HIVEP3: variants seen among roughly 807,000 people sequenced by gnomAD.
HIVEP3 encodes the protein HIVEP zinc finger 3, also known as transcription factor HIVEP3.
Under a neutral mutation model 152.8 loss-of-function variants are expected in HIVEP3, and 49 were observed. The ratio of observed to expected loss-of-function variants is 0.32; its 90% CI spans 0.26 to 0.41. HIVEP3 has a LOEUF of 0.41. HIVEP3 is among the 10% of genes least tolerant of loss of function. The pLI is 1.00. For missense variants in HIVEP3, 2,790 were observed against 3,103.3 expected (o/e 0.90, Z 2.40); for synonymous variants, 1,269 against 1,289.0 (o/e 0.98, Z 0.33).
chr1:41,764,922 A>G (rs1357095410), intron 1 of HIVEP3, among the ~76,000 whole-genome samples: 2 of 152,188 alleles, frequency 1.3e-5, no homozygotes, highest in Admixed American at 6.5e-5. Flanking sequence ...TTCACAACTC[A>G]GGGCCATCAT....
At chr1:41,638,330 GAAAGGGAGA>G (rs1558137231) in intron 2 of HIVEP3, among the ~76,000 whole-genome samples, 58 of 35,378 alleles carry the variant, frequency 1.6e-3, no homozygotes, top group Non-Finnish European at 3.0e-3. Flanking sequence ...AAGAAAGAAA[GAAAGGGAGA>G]GAGAGAGAAA....
chr1:41,840,068 G>A (rs1428325460), intron 1 of HIVEP3, among the ~76,000 whole-genome samples: 1 of 152,114 alleles, frequency 6.6e-6, no homozygotes, highest in Admixed American at 6.6e-5. Context: ...TGCCTAAACT[G>A]TTTGGGAATC....
chr1:41,993,377 C>T (rs1397687870), intron 1 of HIVEP3, among the ~76,000 whole-genome samples: 15 of 150,528 alleles, frequency 1.0e-4, no homozygotes, highest in African/African-American at 3.7e-4. Context: ...GACATTTATG[C>T]AGCCAAAAAA....
chr1:41,979,339 C>T (rs1458379838), intron 1 of HIVEP3, among the ~76,000 whole-genome samples: 1 of 152,164 alleles, frequency 6.6e-6, no homozygotes, highest in Non-Finnish European at 1.5e-5. Context: ...CGGTGTGAGA[C>T]ATTCCACATG....
rs1471811725 is a variant in HIVEP3, at chr1:41,584,502, G to A, written c.296C>T (p.Pro99Leu). The A allele has an allele frequency of 1.9e-6, 3 of 1,614,088 alleles. No individual in the cohort carries two copies. The highest frequency in any genetic ancestry group is 2.5e-6 in the Non-Finnish European group (3 of 1,180,044). The change falls in exon 4 of 9, where the codon CCT becomes CTT. Residue 99 changes from proline to leucine, a missense_variant. Pro to Leu is a moderately conservative substitution (Grantham distance 98). Transcript: ENST00000372583. This position sits in a 1 kb window ranked among gnomAD's most constrained non-coding sequence, Gnocchi z 5.2. ...AGGCGACATGAATGCTGGTGTCAGAGGGTGCTGCGGAAGCTGTGAGATGTG... is the reference window on the plus strand; with the variant it reads ...AGGCGACATGAATGCTGGTGTCAGAAGGTGCTGCGGAAGCTGTGAGATGTG... Reference protein sequence around the residue: ...SVHISQLPQHPLTPAFMSPGK... With the variant: ...SVHISQLPQHLLTPAFMSPGK...
chr1:41,726,328 A>G (rs7537131), intron 1 of HIVEP3, among the ~76,000 whole-genome samples: 30,080 of 152,058 alleles, frequency 0.2, 7,566 homozygotes, highest in African/African-American at 0.59. Flanking sequence ...TCAAGGCACC[A>G]TCTCTAAGTT....
intron 1 of HIVEP3, among the ~76,000 whole-genome samples, chr1:41,796,852 G>A (rs536107147): frequency 6.1e-4 from 93 of 152,308 alleles, no homozygotes; most frequent in African/African-American, 2.0e-3. Flanking sequence ...CACTGTGCTC[G>A]TGTGGATGAA....
intron 7 of HIVEP3, among the ~76,000 whole-genome samples, chr1:41,516,526 C>T (rs1482454254): frequency 6.6e-6 from 1 of 152,202 alleles, no homozygotes; most frequent in East Asian, 1.9e-4. Context: ...AGCCTGTGGG[C>T]TCTCCCTCCG....
chr1:41,942,939 G>A (rs1052728262), intron 1 of HIVEP3, among the ~76,000 whole-genome samples: 21 of 150,670 alleles, frequency 1.4e-4, no homozygotes, highest in African/African-American at 2.0e-4. Context: ...TCGCTCTGTC[G>A]CCCAGGCTGG....
chr1:41,671,769 A>C (rs1484626710), intron 2 of HIVEP3, among the ~76,000 whole-genome samples: 2 of 152,256 alleles, frequency 1.3e-5, no homozygotes, highest in African/African-American at 2.4e-5. Context: ...CTAGGAGAGC[A>C]CAAAGGAAGG....
intron 1 of HIVEP3, among the ~76,000 whole-genome samples, chr1:41,938,876 T>C (rs1239026675): frequency 6.6e-6 from 1 of 152,216 alleles, no homozygotes; most frequent in Admixed American, 6.5e-5. Flanking sequence ...TTCTGCATTG[T>C]GGAGCTTCTC....
At chr1:41,828,088 C>A (rs1338079836) in intron 1 of HIVEP3, among the ~76,000 whole-genome samples, 1 of 152,202 alleles carries the variant, frequency 6.6e-6, no homozygotes, top group Non-Finnish European at 1.5e-5. Context: ...CAAGCTTCTG[C>A]CAGCAGGAGT....
At chr1:41,635,513 G>C (rs1370223919) in intron 2 of HIVEP3, among the ~76,000 whole-genome samples, 1 of 144,392 alleles carries the variant, frequency 6.9e-6, no homozygotes, top group African/African-American at 2.5e-5. Flanking sequence ...TACATATATA[G>C]CTGCATATAT....
chr1:41,692,456 T>C (rs1394797557), intron 2 of HIVEP3, among the ~76,000 whole-genome samples: 1 of 152,174 alleles, frequency 6.6e-6, no homozygotes, highest in Non-Finnish European at 1.5e-5. Context: ...AGTTCAATAT[T>C]AATGAATCAA....
chr1:41,823,917 C>T (rs984883990), intron 1 of HIVEP3, among the ~76,000 whole-genome samples: 1 of 152,144 alleles, frequency 6.6e-6, no homozygotes, highest in South Asian at 2.1e-4. Flanking sequence ...TTTAAAAATC[C>T]ATTTATTTCT....
At chr1:41,709,175 G>A (rs983018605) in intron 1 of HIVEP3, among the ~76,000 whole-genome samples, 1 of 152,244 alleles carries the variant, frequency 6.6e-6, no homozygotes, top group African/African-American at 2.4e-5. Context: ...GGGGAAGCTG[G>A]AACATGCCTG....
intron 1 of HIVEP3, among the ~76,000 whole-genome samples, chr1:42,019,318 ATTAAT>A (rs1225153725): frequency 1.3e-5 from 2 of 152,042 alleles, no homozygotes; most frequent in Non-Finnish European, 2.9e-5. Context: ...TAATATACAA[ATTAAT>A]TTAAGGAAAG....
Position 41,585,271 on chromosome 1 carries a change from T to C in HIVEP3, c.-474A>G. 5.0e-6 allele frequency: 2 copies of C among 399,092 alleles called. No homozygotes were observed. Among genetic ancestry groups the C allele is most frequent in the Non-Finnish European group, 8.8e-6 (2 of 226,196 alleles). The allele number at this position is 399,092 out of a possible 1,614,324, so 24.7% of individuals were successfully genotyped here. ...TGGGGGTGGCTCTTCTCCCCTTTAG[T>C]TCTGGGTTGGAGATCAACGGCCTTG... On this transcript the variant is annotated 5_prime_UTR_variant, in exon 4 of 9. Coordinates refer to ENST00000372583, the MANE Select transcript of HIVEP3 (RefSeq NM_024503.5).
chr1:41,990,426 G>A (rs932041590), intron 1 of HIVEP3, among the ~76,000 whole-genome samples: 1 of 150,820 alleles, frequency 6.6e-6, no homozygotes, highest in African/African-American at 2.4e-5. Context: ...AATGGTAAAG[G>A]GATCAATTCA....
Sources: allele counts gnomAD v4.1 joint callset (sites outside exome capture counted in the v4.1 genomes callset), GRCh38; gene constraint gnomAD v4.1.1; non-coding constraint Gnocchi (gnomAD v3.1); transcripts MANE v1.5; gene names NCBI Gene and HGNC (gene_info 2026-07-23, HGNC 2026-07-21).